DENND2A: variants seen among roughly 807,000 people sequenced by gnomAD.
DENND2A encodes the protein DENN domain-containing protein 2A.
Under a neutral mutation model 105.3 loss-of-function variants are expected in DENND2A, and 53 were observed. That is an observed-to-expected ratio of 0.50 (90% confidence interval 0.40 to 0.63). The LOEUF is 0.63. Ranked by LOEUF, DENND2A falls within the 30% of genes least tolerant of loss-of-function variation. DENND2A has a pLI of 0.00. For synonymous variants in DENND2A, 522 were observed against 508.4 expected (o/e 1.03, Z -0.36); for missense variants, 1,138 against 1,279.6 (o/e 0.89, Z 1.69).
rs775450431 is a variant in DENND2A at position 140,568,750 on chromosome 7, T to C, written c.1591+13A>G. 6.2e-7 allele frequency: 1 copy of C among 1,614,064 alleles called. No homozygotes were observed. The highest frequency in any genetic ancestry group is 1.1e-5 in the South Asian group (1 of 91,076). Reference sequence around the variant, plus strand: ...CACCTGCCTGAGTCCTGCACAGTAGTGGCTCTCCTCACCTTTCAGCTTCTC... The same window carrying C: ...CACCTGCCTGAGTCCTGCACAGTAGCGGCTCTCCTCACCTTTCAGCTTCTC... On this transcript the variant is annotated intron_variant, in intron 8 of 19. Transcript: ENST00000496613.
intron 6 of DENND2A, among the ~76,000 whole-genome samples, chr7:140,570,365 T>C (rs907744656): frequency 2.6e-5 from 4 of 152,102 alleles, no homozygotes; most frequent in African/African-American, 9.7e-5. Flanking sequence ...CTCTGAGGCC[T>C]CGATGTCACT....
intron 3 of DENND2A, among the ~76,000 whole-genome samples, chr7:140,597,666 G>T (rs1178415742): frequency 1.3e-5 from 2 of 152,192 alleles, no homozygotes; most frequent in African/African-American, 4.8e-5. Flanking sequence ...AAAAGATAAT[G>T]GGAATAACTG....
chr7:140,626,333 T>C (rs1800528925), intron 1 of DENND2A, among the ~76,000 whole-genome samples: 1 of 152,108 alleles, frequency 6.6e-6, no homozygotes, highest in African/African-American at 2.4e-5. Flanking sequence ...CAGGCTGCCA[T>C]TTTGTGGCTT....
chr7:140,626,995 G>A (rs1407585372), intron 1 of DENND2A, among the ~76,000 whole-genome samples: 1 of 152,160 alleles, frequency 6.6e-6, no homozygotes, highest in Non-Finnish European at 1.5e-5. Flanking sequence ...CTTAGTTCTC[G>A]CCTCTGTAAA....
intron 9 of DENND2A, 62 bp downstream of exon 9, chr7:140,567,024 G>A: frequency 2.8e-6 from 4 of 1,436,808 alleles, no homozygotes; most frequent in Admixed American, 2.4e-5. Flanking sequence ...CTCAATTCAT[G>A]AGTCCCAACA....
At chr7:140,633,996 TTTC>T (rs1447321611) in intron 1 of DENND2A, among the ~76,000 whole-genome samples, 2 of 151,746 alleles carry the variant, frequency 1.3e-5, no homozygotes, top group African/African-American at 2.4e-5. Flanking sequence ...TTAAAATAGA[TTTC>T]TTTTTTTTTT....
chr7:140,610,650 A>G (rs1799862009), intron 1 of DENND2A, among the ~76,000 whole-genome samples: 1 of 152,196 alleles, frequency 6.6e-6, no homozygotes, highest in Non-Finnish European at 1.5e-5. Context: ...CACAACAAAT[A>G]GCTCTCAGAA....
rs536124297 is a variant in DENND2A at position 140,569,889 on chromosome 7, T to C, written c.1447-151A>G. 1.4e-4 allele frequency: 79 copies of C among 576,834 alleles called. 3 individuals are homozygous for C. In the South Asian group the frequency reaches 1.6e-3, roughly 11 times the overall value. The allele number at this position is 576,834 out of a possible 1,614,324, so 35.7% of individuals were successfully genotyped here. ...CCATGGGCTCATGGGTGTCTTTCAA[T>C]CATTTTTTTTTTTTATTTTTTTGAG... On this transcript the variant is annotated intron_variant, in intron 6 of 19. Coordinates refer to ENST00000496613, the MANE Select transcript of DENND2A (RefSeq NM_015689.5).
In DENND2A at chr7:140,521,899, C is replaced by G; in HGVS notation, c.2867G>C (p.Arg956Pro). 1 of 1,614,154 alleles carries G rather than the reference C, an allele frequency of 6.2e-7. No individual in the cohort carries two copies. The highest frequency in any genetic ancestry group is 2.2e-5 in the East Asian group (1 of 44,882). Reference protein sequence around the residue: ...LEVFMETQMFRGFIQERELRR... With the variant: ...LEVFMETQMFPGFIQERELRR... ...CAGCTCCCGCTCCTGGATGAAGCCC[C>G]GAAACATCTGAGTCTCCATGAAGAC... The change falls in exon 18 of 20, where the codon CGG (arginine) becomes CCG (proline). Residue 956 changes from arginine to proline, a missense_variant. Around this residue, in one of 2 missense-constraint regions of DENND2A, gnomAD observed 627 missense variants for 779.8 expected, o/e 0.80. Transcript: ENST00000496613.
chr7:140,626,431 TG>T (rs1800535742), intron 1 of DENND2A, among the ~76,000 whole-genome samples: 1 of 152,184 alleles, frequency 6.6e-6, no homozygotes, highest in Non-Finnish European at 1.5e-5. Context: ...GACCACCCGG[TG>T]TGATCTGTCC....
intron 5 of DENND2A, among the ~76,000 whole-genome samples, chr7:140,574,350 C>T (rs966756460): frequency 6.6e-6 from 1 of 152,078 alleles, no homozygotes; most frequent in Non-Finnish European, 1.5e-5. Context: ...TCTCGAGTAG[C>T]TGGGACTGCA....
chr7:140,522,009 C>CAAAGAGTAGT lies in DENND2A; in HGVS notation c.2756_2757insACTACTCTTT (p.Ser920LeufsTer8). The CAAAGAGTAGT allele has an allele frequency of 6.2e-7, 1 of 1,614,170 alleles. No homozygotes were observed. Among genetic ancestry groups the CAAAGAGTAGT allele is most frequent in the Non-Finnish European group, 8.5e-7 (1 of 1,180,042 alleles). On this transcript the variant is annotated frameshift_variant, in exon 18 of 20. Transcript: ENST00000496613. LOFTEE classifies it high-confidence loss of function. ...GGGTTCTCTCCTCACGCTCGCCCGA[C>CAAAGAGTAGT]GTCAGGAACAAAGAGTAGTGTCCCA...
chr7:140,631,693 A>C (rs778643862), intron 1 of DENND2A, among the ~76,000 whole-genome samples: 3 of 152,184 alleles, frequency 2.0e-5, no homozygotes, highest in African/African-American at 7.2e-5. Flanking sequence ...ACCAGATGAC[A>C]GTCACCACAA....
At chr7:140,537,783 C>T (rs367719427) in intron 14 of DENND2A, among the ~76,000 whole-genome samples, 4 of 152,164 alleles carry the variant, frequency 2.6e-5, no homozygotes, top group Non-Finnish European at 5.9e-5. Context: ...AGATTATGGG[C>T]GTGAGCCACC....
In DENND2A at chr7:140,560,653, C is replaced by T. The variant is rs556948284; in HGVS notation, c.1780-836G>A. On this transcript the variant is annotated intron_variant, in intron 9 of 19. Coordinates refer to ENST00000496613, the MANE Select transcript of DENND2A (RefSeq NM_015689.5). ...TGGGAAAAAAAAAAAGAACAAGGGC[C>T]GGGAGTGGTGGCTCACACCTGTAAT... Among the ~76,000 whole-genome samples, 11 of 151,930 alleles carry T rather than the reference C, an allele frequency of 7.2e-5. No individual in the cohort carries two copies. The South Asian group carries it at 1.2e-3, about 17-fold the overall frequency.
chr7:140,613,237 C>T (rs557393992), intron 1 of DENND2A, among the ~76,000 whole-genome samples: 38 of 151,836 alleles, frequency 2.5e-4, no homozygotes, highest in Non-Finnish European at 4.4e-4. Context: ...GCTATAATCG[C>T]ACCTGTGAAT....
At chr7:140,637,158 T>C (rs1800970849) in intron 1 of DENND2A, among the ~76,000 whole-genome samples, 1 of 151,938 alleles carries the variant, frequency 6.6e-6, no homozygotes, top group Non-Finnish European at 1.5e-5. Context: ...CCAATTTCTT[T>C]TACTTTTTAT....
At chr7:140,577,665 T>C (rs1256901004) in intron 5 of DENND2A, among the ~76,000 whole-genome samples, 1 of 152,186 alleles carries the variant, frequency 6.6e-6, no homozygotes, top group African/African-American at 2.4e-5. Context: ...CCCAAAGTGC[T>C]GGGATTATAG....
intron 12 of DENND2A, among the ~76,000 whole-genome samples, chr7:140,554,551 G>A (rs1260288069): frequency 6.6e-6 from 1 of 152,014 alleles, no homozygotes; most frequent in Non-Finnish European, 1.5e-5. Context: ...CACAAGAATC[G>A]CTTGAACCCG....
Sources: gnomAD v4.1 joint callset for allele counts (sites outside exome capture counted in the v4.1 genomes callset) on GRCh38, gnomAD v4.1.1 for gene constraint, gnomAD v4.1.1 regional missense constraint, MANE v1.5 for transcripts, NCBI Gene and HGNC (gene_info 2026-07-23, HGNC 2026-07-21) for gene names.